The following NEO1 variants were observed in gnomAD, a reference collection of about 807,000 sequenced individuals.
NEO1 encodes the protein neogenin 1.
In NEO1, 63 loss-of-function variants were observed where a neutral mutation model predicts 159.7. The observed-to-expected ratio is 0.39, with a 90% CI of 0.32 to 0.49. The LOEUF (loss-of-function observed/expected upper bound fraction) is 0.49. NEO1 is among the 20% of genes least tolerant of loss of function. The pLI is 0.85. For synonymous variants in NEO1, 633 were observed against 662.0 expected, an observed-to-expected ratio of 0.96 and a Z score of 0.67; for missense variants, 1,615 against 1,831.0, an observed-to-expected ratio of 0.88 and a Z score of 2.15.
chr15:73,199,770 G>A lies in NEO1; in HGVS notation c.1291+21343G>A, dbSNP rs536893420. Among the ~76,000 whole-genome samples the A allele has an allele frequency of 2.0e-5, 3 of 152,320 alleles. No individual in the cohort carries two copies. In the South Asian group the frequency reaches 6.2e-4, roughly 32 times the overall value. On this transcript the variant is annotated intron_variant, in intron 7 of 28. Transcript: ENST00000261908. ...TGCCAACAGGTTTGGTGTCTGGTAA[G>A]AGCCTGTTTACCACACTCTGTAAGA...
intron 1 of NEO1, among the ~76,000 whole-genome samples, chr15:73,066,973 C>A (rs1261079997): frequency 2.0e-5 from 3 of 152,162 alleles, no homozygotes. Context: ...TGTGTTTTGT[C>A]TAGTTTCTTT....
At chr15:73,187,467 C>T (rs1172839285) in intron 7 of NEO1, among the ~76,000 whole-genome samples, 1 of 152,118 alleles carries the variant, frequency 6.6e-6, no homozygotes, top group African/African-American at 2.4e-5. Context: ...TGAGAAATAA[C>T]TTAGAATCAC....
chr15:73,288,350 A>C lies in NEO1; in HGVS notation c.3448A>C (p.Lys1150Gln). Residue 1150 changes from lysine (K) to glutamine (Q), a missense_variant, in exon 24 of 29, where the codon AAG becomes CAG. By Grantham distance (53) the Lys-to-Gln change is moderately conservative. This residue lies in a region of NEO1 where 471 missense variants were observed against 498.9 expected (regional missense o/e 0.94). Transcript: ENST00000261908. ...AACKSVNGSH[K>Q]YKGNSKDVKP... ...CTGCAAATCAGTGAATGGCTCTCAT[A>C]AGTACAAAGGGAATTCCAAAGATGT... 1 of 1,614,140 alleles carries C rather than the reference A, an allele frequency of 6.2e-7. No homozygotes were observed. The highest frequency in any genetic ancestry group is 8.5e-7 in the Non-Finnish European group (1 of 1,180,008).
At chr15:73,170,032 C>T (rs2034850178) in intron 5 of NEO1, among the ~76,000 whole-genome samples, 1 of 151,862 alleles carries the variant, frequency 6.6e-6, no homozygotes, top group Non-Finnish European at 1.5e-5. Flanking sequence ...AAAGTAGTTC[C>T]TGAAACTGGA....
intron 9 of NEO1, among the ~76,000 whole-genome samples, chr15:73,247,876 A>G (rs996351526): frequency 1.3e-5 from 2 of 152,194 alleles, no homozygotes; most frequent in Non-Finnish European, 2.9e-5. Flanking sequence ...TGTAGGAGAT[A>G]GAGCCAGCTA....
intron 13 of NEO1, chr15:73,255,196 G>T: frequency 1.2e-5 from 2 of 167,866 alleles, no homozygotes; most frequent in Non-Finnish European, 1.3e-5. Flanking sequence ...TCTACAAAGT[G>T]GTTTTTGTAA....
In NEO1 at chr15:73,304,914, A is replaced by G. The variant is rs1302278811; in HGVS notation, c.*2218A>G. 2 of 152,132 alleles carry G rather than the reference A, an allele frequency of 1.3e-5. No homozygotes were observed. Among genetic ancestry groups the G allele is most frequent in the Non-Finnish European group, 2.9e-5 (2 of 68,024 alleles). 9.4% of individuals were successfully genotyped at this position (152,132 alleles called of 1,614,324 possible). Reference sequence around the variant, plus strand: ...CTATTCTGTATTGCACCTTTTCACAATTTAATACATTTTCTTACATTTTCC... The same window carrying G: ...CTATTCTGTATTGCACCTTTTCACAGTTTAATACATTTTCTTACATTTTCC... On this transcript the variant is annotated 3_prime_UTR_variant, in exon 29 of 29. Coordinates refer to ENST00000261908, the MANE Select transcript of NEO1 (RefSeq NM_002499.4).
At chr15:73,077,024 CAT>C (rs2068800185) in intron 1 of NEO1, among the ~76,000 whole-genome samples, 1 of 152,060 alleles carries the variant, frequency 6.6e-6, no homozygotes, top group Non-Finnish European at 1.5e-5. Flanking sequence ...CTTATAATAA[CAT>C]AGCAATTTTT....
chr15:73,186,939 A>G (rs2035965411), intron 7 of NEO1, among the ~76,000 whole-genome samples: 1 of 152,212 alleles, frequency 6.6e-6, no homozygotes, highest in Non-Finnish European at 1.5e-5. Context: ...TGTTTACAAA[A>G]ACAAGTAGCA....
chr15:73,200,980 C>T (rs937439609), intron 7 of NEO1, among the ~76,000 whole-genome samples: 1 of 152,030 alleles, frequency 6.6e-6, no homozygotes, highest in Non-Finnish European at 1.5e-5. Flanking sequence ...GCGGGCCTGG[C>T]CTTCCTTTAT....
At chr15:73,187,737 G>C (rs117053137) in intron 7 of NEO1, among the ~76,000 whole-genome samples, 1 of 152,154 alleles carries the variant, frequency 6.6e-6, no homozygotes, top group African/African-American at 2.4e-5. Flanking sequence ...CACAGTTTGC[G>C]AATCTCAATC....
chr15:73,233,873 TTGTC>T (rs1282278452), intron 7 of NEO1, among the ~76,000 whole-genome samples: 38 of 152,220 alleles, frequency 2.5e-4, no homozygotes, highest in Non-Finnish European at 4.4e-4. Context: ...TGTTTGGTAT[TTGTC>T]TGGTTCATAT....
chr15:73,150,163 A>G (rs2033258119), intron 5 of NEO1, among the ~76,000 whole-genome samples: 1 of 152,186 alleles, frequency 6.6e-6, no homozygotes, highest in Admixed American at 6.5e-5. Context: ...AATCCTGAGA[A>G]ATGGGTCAGA....
intron 26 of NEO1, among the ~76,000 whole-genome samples, chr15:73,297,771 G>A (rs1246252343): frequency 2.0e-5 from 3 of 152,220 alleles, no homozygotes; most frequent in African/African-American, 7.2e-5. Flanking sequence ...TCTGAAAGCT[G>A]TGTGCAGACC....
At chr15:73,111,654 T>C (rs2151580537) in intron 1 of NEO1, among the ~76,000 whole-genome samples, 1 of 152,272 alleles carries the variant, frequency 6.6e-6, no homozygotes, top group South Asian at 2.1e-4. Context: ...TAGGTCTCCC[T>C]CAGTCACCCA....
At chr15:73,254,951 A>G in intron 13 of NEO1, 122 bp downstream of exon 13, 1 of 1,058,978 alleles carries the variant, frequency 9.4e-7, no homozygotes, top group Non-Finnish European at 1.3e-6. Context: ...GGTTCAGAAA[A>G]TTTTTAATGG....
At chr15:73,127,187 C>T (rs973666494) in intron 4 of NEO1, among the ~76,000 whole-genome samples, 4 of 150,956 alleles carry the variant, frequency 2.6e-5, no homozygotes, top group Non-Finnish European at 5.9e-5. Context: ...CCTGAGATCG[C>T]GTCACTGCAC....
chr15:73,077,636 T>C (rs1342751201), intron 1 of NEO1, among the ~76,000 whole-genome samples: 1 of 152,182 alleles, frequency 6.6e-6, no homozygotes, highest in African/African-American at 2.4e-5. Context: ...TGATGGGAAA[T>C]AGATTCTCAG....
In NEO1 at chr15:73,228,338, T is replaced by G. The variant is rs144301837; in HGVS notation, c.1292-8009T>G. On this transcript the variant is annotated intron_variant, in intron 7 of 28. Transcript: ENST00000261908. ...TACATTTCCCTAATGACTAATGATG[T>G]CATTTTCATGTGCTTATTCTATGTT... Among the ~76,000 whole-genome samples the G allele has an allele frequency of 7.8e-4, 119 of 152,280 alleles. 1 individual carries two copies. The highest frequency in any genetic ancestry group is 2.8e-3 in the African/African-American group (116 of 41,572).
Sources: gnomAD v4.1 joint callset for allele counts (sites outside exome capture counted in the v4.1 genomes callset) on GRCh38, gnomAD v4.1.1 for gene constraint, gnomAD v4.1.1 regional missense constraint, MANE v1.5 for transcripts, NCBI Gene and HGNC (gene_info 2026-07-23, HGNC 2026-07-21) for gene names.